The following EMCN variants were observed in gnomAD, a reference collection of about 807,000 sequenced individuals.
The protein encoded by EMCN is MUC-14.
A neutral mutation model predicts 38.4 loss-of-function variants in EMCN; 37 were observed. That is an observed-to-expected ratio of 0.96 (90% confidence interval 0.74 to 1.27). EMCN has a LOEUF of 1.27. EMCN is among the 50% of genes most tolerant of loss of function. The pLI is 0.00. For synonymous variants in EMCN, 95 were observed against 100.8 expected (o/e 0.94, Z 0.35); for missense variants, 318 against 302.8 (o/e 1.05, Z -0.37).
chr4:100,482,717 T>A (rs568672951), intron 1 of EMCN, among the ~76,000 whole-genome samples: 2 of 152,164 alleles, frequency 1.3e-5, no homozygotes, highest in East Asian at 1.9e-4. Flanking sequence ...TGGAGAGCCA[T>A]GGAAAGTGAC....
intron 4 of EMCN, among the ~76,000 whole-genome samples, chr4:100,463,379 C>T (rs746922785): frequency 1.5e-4 from 23 of 152,102 alleles, no homozygotes; most frequent in Admixed American, 4.6e-4. Context: ...CTTCAATTCC[C>T]GTAGCTAACT....
chr4:100,398,461 A>G (rs1726169641), intron 11 of EMCN, 88 bp from the exon 12 acceptor site: 1 of 152,146 alleles, frequency 6.6e-6, no homozygotes, highest in African/African-American at 2.4e-5. Context: ...GGGGGAGTCC[A>G]TTTCTTAGTA....
At chr4:100,481,240 T>C (rs1300074467) in intron 1 of EMCN, among the ~76,000 whole-genome samples, 1 of 152,150 alleles carries the variant, frequency 6.6e-6, no homozygotes, top group Non-Finnish European at 1.5e-5. Context: ...GTATGACTTC[T>C]CAAATTTAAA....
chr4:100,475,525 T>C (rs1728612276), intron 2 of EMCN, among the ~76,000 whole-genome samples: 1 of 151,900 alleles, frequency 6.6e-6, no homozygotes, highest in African/African-American at 2.4e-5. Flanking sequence ...AGAATTACAT[T>C]TCATTTTATT....
chr4:100,442,340 A>T (rs968939464), intron 5 of EMCN, among the ~76,000 whole-genome samples: 2 of 152,078 alleles, frequency 1.3e-5, no homozygotes, highest in Non-Finnish European at 1.5e-5. Context: ...TTGACTTTGA[A>T]GAGTCTGGTT....
intron 2 of EMCN, among the ~76,000 whole-genome samples, chr4:100,479,197 T>G (rs1383149440): frequency 6.6e-6 from 1 of 152,138 alleles, no homozygotes; most frequent in Non-Finnish European, 1.5e-5. Flanking sequence ...CATCAAGATA[T>G]ATGATTTTCT....
chr4:100,481,083 G>T (rs867041839), intron 1 of EMCN, among the ~76,000 whole-genome samples: 1 of 151,980 alleles, frequency 6.6e-6, no homozygotes, highest in Non-Finnish European at 1.5e-5. Context: ...AAATATTCAC[G>T]TCTATGGAAA....
At chr4:100,408,984 A>G (rs1221306692) in intron 11 of EMCN, among the ~76,000 whole-genome samples, 3 of 152,130 alleles carry the variant, frequency 2.0e-5, no homozygotes, top group Non-Finnish European at 2.9e-5. Flanking sequence ...GAGGGATAAA[A>G]TTCTGATACT....
At chr4:100,506,910 A>G (rs1193914328) in intron 1 of EMCN, among the ~76,000 whole-genome samples, 1 of 152,188 alleles carries the variant, frequency 6.6e-6, no homozygotes, top group Non-Finnish European at 1.5e-5. Flanking sequence ...TCATAATATC[A>G]TAGCTTCTGC....
chr4:100,469,397 G>A (rs994891706), intron 3 of EMCN, among the ~76,000 whole-genome samples: 4 of 152,120 alleles, frequency 2.6e-5, no homozygotes, highest in Non-Finnish European at 5.9e-5. Context: ...TACATCAAAA[G>A]CTCAGCTACA....
intron 4 of EMCN, among the ~76,000 whole-genome samples, chr4:100,461,161 A>C (rs528243733): frequency 6.6e-6 from 1 of 152,214 alleles, no homozygotes; most frequent in South Asian, 2.1e-4. Context: ...CCCACATATC[A>C]GCACCTGTGC....
chr4:100,400,374 T>G (rs909696301), intron 11 of EMCN, among the ~76,000 whole-genome samples: 1 of 151,192 alleles, frequency 6.6e-6, no homozygotes, highest in Non-Finnish European at 1.5e-5. Context: ...TTGTTTTTTG[T>G]TTTTTTTCTC....
chr4:100,437,752 C>G (rs1727397276), intron 5 of EMCN, among the ~76,000 whole-genome samples: 1 of 152,062 alleles, frequency 6.6e-6, no homozygotes, highest in Admixed American at 6.6e-5. Flanking sequence ...TATTCTGTTT[C>G]ACTGGTCTAT....
At chr4:100,419,554 C>T (rs988112037) in intron 8 of EMCN, among the ~76,000 whole-genome samples, 2 of 152,090 alleles carry the variant, frequency 1.3e-5, no homozygotes, top group Admixed American at 6.6e-5. Context: ...CTTAAATCTT[C>T]CTATGTAAAG....
chr4:100,461,487 T>C (rs1351544006), intron 4 of EMCN, among the ~76,000 whole-genome samples: 1 of 152,178 alleles, frequency 6.6e-6, no homozygotes, highest in Admixed American at 6.5e-5. Flanking sequence ...GATAATCCTC[T>C]GAAAGATTTT....
Position 100,405,024 on chromosome 4 carries a change from T to C in EMCN, c.*39+5258A>G, listed in dbSNP as rs563926298. 4.6e-5 allele frequency among the ~76,000 whole-genome samples: 7 copies of C among 152,216 alleles called. No individual in the cohort carries two copies. The South Asian group carries it at 1.2e-3, about 27-fold the overall frequency. On this transcript the variant is annotated intron_variant, in intron 11 of 11. Transcript: ENST00000296420. ...GATTTGTCTCTCAGCTTGGATGTTGTTGGTGTATAGAAATGCTACTGAATT... is the reference window on the plus strand; with the variant it reads ...GATTTGTCTCTCAGCTTGGATGTTGCTGGTGTATAGAAATGCTACTGAATT...
At chr4:100,451,013 C>T (rs1207056674) in intron 4 of EMCN, among the ~76,000 whole-genome samples, 2 of 151,716 alleles carry the variant, frequency 1.3e-5, no homozygotes, top group East Asian at 3.9e-4. Flanking sequence ...ATTGGATGCA[C>T]ATATATTGTT....
chr4:100,514,725 C>G (rs1343265500), intron 1 of EMCN, among the ~76,000 whole-genome samples: 2 of 152,076 alleles, frequency 1.3e-5, no homozygotes, highest in Non-Finnish European at 2.9e-5. Flanking sequence ...TTCAATGTAT[C>G]TACTCAATAA....
intron 1 of EMCN, among the ~76,000 whole-genome samples, chr4:100,512,571 G>A (rs183185559): frequency 5.3e-5 from 8 of 152,234 alleles, no homozygotes; most frequent in Admixed American, 2.0e-4. Flanking sequence ...TTGGGAGACC[G>A]AGGCAGGTGG....
Sources: gnomAD v4.1 joint callset for allele counts (sites outside exome capture counted in the v4.1 genomes callset) on GRCh38, gnomAD v4.1.1 for gene constraint, MANE v1.5 for transcripts, NCBI Gene and HGNC (gene_info 2026-07-23, HGNC 2026-07-21) for gene names.